The following KDSR variants were observed in gnomAD, a reference collection of about 807,000 sequenced individuals.
KDSR encodes 3-dehydrosphinganine reductase.
In KDSR, 23 loss-of-function variants were observed where a neutral mutation model predicts 41.3. The observed-to-expected ratio is 0.56, with a 90% CI of 0.40 to 0.79. KDSR has a LOEUF of 0.79. Among genes scored for constraint, KDSR ranks in the 30% least tolerant of loss-of-function variants. The pLI is 0.00. For missense variants in KDSR, 351 were observed against 416.8 expected, an observed-to-expected ratio of 0.84 and a Z score of 1.37; for synonymous variants, 138 against 151.7, an observed-to-expected ratio of 0.91 and a Z score of 0.66.
chr18:63,350,139 CT>C (rs1914622477), intron 6 of KDSR, among the ~76,000 whole-genome samples: 1 of 152,142 alleles, frequency 6.6e-6, no homozygotes, highest in Non-Finnish European at 1.5e-5. Context: ...TTTCCCTTGC[CT>C]TTTTCAGCAT....
intron 5 of KDSR, among the ~76,000 whole-genome samples, chr18:63,353,308 C>G (rs1914708827): frequency 6.6e-6 from 1 of 152,082 alleles, no homozygotes; most frequent in South Asian, 2.1e-4. Flanking sequence ...AAGGCAAGAA[C>G]ACACAAGAAC....
At chr18:63,338,290 G>A (rs1274161450) in intron 8 of KDSR, among the ~76,000 whole-genome samples, 1 of 152,148 alleles carries the variant, frequency 6.6e-6, no homozygotes, top group African/African-American at 2.4e-5. Context: ...AAAAGCATGA[G>A]GCACATATGT....
chr18:63,332,603 G>A (rs893932544), intron 9 of KDSR, among the ~76,000 whole-genome samples: 2 of 152,104 alleles, frequency 1.3e-5, no homozygotes, highest in African/African-American at 2.4e-5. Flanking sequence ...AGGCCGAGGC[G>A]GGTGGATCAC....
intron 7 of KDSR, among the ~76,000 whole-genome samples, chr18:63,343,211 T>G (rs958733981): frequency 7.2e-5 from 11 of 152,074 alleles, no homozygotes; most frequent in African/African-American, 2.7e-4. Context: ...CCTGAGTAGC[T>G]GGAACAATTC....
At position 63,338,627 on chromosome 18, in the gene KDSR, A is replaced by C. The variant is rs1278555610; in HGVS notation, c.777+173T>G. On this transcript the variant is annotated intron_variant, in intron 8 of 9. Coordinates refer to ENST00000645214, the MANE Select transcript of KDSR (RefSeq NM_002035.4). ...TTCAGGAGGCTACTCACTAATATGGAGTCAATAAAGCGTCTAAAAGAAGAA... is the reference window on the plus strand; with the variant it reads ...TTCAGGAGGCTACTCACTAATATGGCGTCAATAAAGCGTCTAAAAGAAGAA... Among the ~76,000 whole-genome samples the C allele has an allele frequency of 2.6e-5, 4 of 152,248 alleles. No individual in the cohort carries two copies. The East Asian group carries it at 7.7e-4, about 29-fold the overall frequency.
intron 6 of KDSR, chr18:63,344,763 G>A (rs1914447249): frequency 3.0e-6 from 1 of 332,006 alleles, no homozygotes; most frequent in Non-Finnish European, 5.6e-6. Flanking sequence ...TTCCACTCCT[G>A]CTGCCCAGAC....
rs1345852588 is a variant in KDSR at position 63,330,219 on chromosome 18, A to G, written c.*1563T>C. The G allele has an allele frequency of 4.9e-6, 1 of 202,338 alleles. No individual in the cohort carries two copies. Among genetic ancestry groups the G allele is most frequent in the Non-Finnish European group, 1.0e-5 (1 of 98,462 alleles). 12.5% of individuals were successfully genotyped at this position (202,338 alleles called of 1,614,324 possible). ...TTTTAGGTCTTCAATTTTTGTATAG[A>G]GTTTTTATGTTTTTTAAGTTTTATT... On this transcript the variant is annotated 3_prime_UTR_variant, in exon 10 of 10. Transcript: ENST00000645214.
Position 63,367,206 on chromosome 18 carries a change from C to T in KDSR, c.-88G>A. On this transcript the variant is annotated 5_prime_UTR_variant, in exon 1 of 10. The change creates a new upstream start codon in the 5' untranslated region. Coordinates refer to ENST00000645214, the MANE Select transcript of KDSR (RefSeq NM_002035.4). ...CTGGGCTGCGGCGAGGCGAGAATCA[C>T]GCGCGGCGGGCGGGCGCCTGGAGTG... 3.2e-6 allele frequency: 2 copies of T among 623,122 alleles called. No homozygotes were observed. Among genetic ancestry groups the T allele is most frequent in the Non-Finnish European group, 4.6e-6 (2 of 437,776 alleles). 38.6% of individuals were successfully genotyped at this position (623,122 alleles called of 1,614,324 possible).
chr18:63,367,059 A>T lies in KDSR; in HGVS notation c.60T>A (p.Ser20=), dbSNP rs756386905. Residue 20 remains serine, a synonymous_variant, in exon 1 of 10, where the codon TCT becomes TCA. Coordinates refer to ENST00000645214, the MANE Select transcript of KDSR (RefSeq NM_002035.4). ...CGAGGGGCTTGGGGCTGATGAGCGG[A>T]GACACCATGTACAGCAGCAGCACGA... ...VAFVLLLYMV[S]PLISPKPLAL... is the part of the protein sequence containing the mutation. The T allele has an allele frequency of 1.5e-6, 2 of 1,331,294 alleles. No individual in the cohort carries two copies. The highest frequency in any genetic ancestry group is 3.0e-5 in the African/African-American group (2 of 66,646). The allele number at this position is 1,331,294 out of a possible 1,614,324, so 82.5% of individuals were successfully genotyped here. A position where few individuals can be genotyped will look rare whatever the true frequency, so the allele number is the denominator to read the frequency against.
intron 7 of KDSR, among the ~76,000 whole-genome samples, chr18:63,343,612 C>T (rs1373813833): frequency 6.6e-6 from 1 of 151,822 alleles, no homozygotes; most frequent in East Asian, 1.9e-4. Context: ...TGGTCTTGAA[C>T]TCCTGGCCTC....
intron 8 of KDSR, 148 bp from the exon 9 acceptor site, chr18:63,335,506 G>A (rs1398370847): frequency 8.2e-6 from 5 of 611,270 alleles, no homozygotes; most frequent in South Asian, 4.0e-5. Context: ...AGAAATGGAC[G>A]CACGGCCTTG....
intron 2 of KDSR, among the ~76,000 whole-genome samples, chr18:63,361,003 T>TATATATATA (rs1568283870): frequency 0.022 from 459 of 20,858 alleles, 16 homozygotes; most frequent in African/African-American, 0.054. Context: ...AAAAAAAAAA[T>TATATATATA]ATATATATAT....
intron 7 of KDSR, among the ~76,000 whole-genome samples, chr18:63,342,177 A>G (rs889787831): frequency 3.5e-4 from 53 of 152,094 alleles, no homozygotes; most frequent in Admixed American, 9.8e-4. Context: ...ACAAAAAAAA[A>G]AAAAAAAAAG....
intron 3 of KDSR, among the ~76,000 whole-genome samples, chr18:63,356,373 TG>T (rs1914795279): frequency 2.0e-5 from 3 of 150,530 alleles, no homozygotes; most frequent in African/African-American, 7.4e-5. Context: ...CACACCAGCG[TG>T]GGCAACAGAG....
rs1913936958 is a variant in KDSR at position 63,330,193 on chromosome 18, T to C, written c.*1589A>G. ...AGAGCAAAAAAAAGGTATGCTATAA[T>C]TTTTAGGTCTTCAATTTTTGTATAG... On this transcript the variant is annotated 3_prime_UTR_variant, in exon 10 of 10. Transcript: ENST00000645214. The C allele has an allele frequency of 5.0e-6, 1 of 198,774 alleles. No homozygotes were observed. Among genetic ancestry groups the C allele is most frequent in the Non-Finnish European group, 1.0e-5 (1 of 96,162 alleles). The allele number at this position is 198,774 out of a possible 1,614,324, so 12.3% of individuals were successfully genotyped here. A position where few individuals can be genotyped will look rare whatever the true frequency, so the allele number is the denominator to read the frequency against.
chr18:63,357,604 G>A (rs867396205), intron 3 of KDSR, among the ~76,000 whole-genome samples: 1 of 26,186 alleles, frequency 3.8e-5, no homozygotes, highest in African/African-American at 1.5e-4. Context: ...ATTTTTTTTT[G>A]AGATGGAGTC....
chr18:63,342,105 G>A (rs1469206160), intron 7 of KDSR, among the ~76,000 whole-genome samples: 1 of 150,624 alleles, frequency 6.6e-6, no homozygotes, highest in East Asian at 2.0e-4. Context: ...GGAGGCAGAG[G>A]TTGCAGTGAG....
intron 1 of KDSR, among the ~76,000 whole-genome samples, chr18:63,364,912 A>T (rs989330344): frequency 6.6e-6 from 1 of 152,236 alleles, no homozygotes; most frequent in Non-Finnish European, 1.5e-5. Context: ...ATAACCAGAC[A>T]TTTAGATTTT....
At chr18:63,353,828 G>C (rs1423036893) in intron 5 of KDSR, among the ~76,000 whole-genome samples, 1 of 152,116 alleles carries the variant, frequency 6.6e-6, no homozygotes, top group East Asian at 1.9e-4. Flanking sequence ...GAGCAGGGAT[G>C]GGGAGCAACT....
Sources: gnomAD v4.1 joint callset for allele counts (sites outside exome capture counted in the v4.1 genomes callset) on GRCh38, gnomAD v4.1.1 for gene constraint, MANE v1.5 for transcripts, NCBI Gene and HGNC (gene_info 2026-07-23, HGNC 2026-07-21) for gene names.